Variants in ERCC6 observed in about 807,000 individuals in gnomAD.
ERCC6 encodes the protein ERCC excision repair 6, chromatin remodeling factor.
In ERCC6, 116 loss-of-function variants were observed where a neutral mutation model predicts 158.7. That is an observed-to-expected ratio of 0.73 (90% CI 0.63 to 0.85). The LOEUF (loss-of-function observed/expected upper bound fraction) is 0.85, where lower values mean the gene tolerates loss of function less well. Ranked by LOEUF, ERCC6 falls within the 40% of genes least tolerant of loss-of-function variation. The probability of loss-of-function intolerance (pLI) is 0.00; values close to 1 mark genes in which losing one functional copy is unlikely to be tolerated. For missense variants in ERCC6, 1,698 were observed against 1,799.4 expected (o/e 0.94, Z 1.02); for synonymous variants, 678 against 659.3 (o/e 1.03, Z -0.43).
Position 49,536,820 on chromosome 10 carries a change from G to A in ERCC6, c.-15+2142C>T, listed in dbSNP as rs1394593475. 4.6e-5 allele frequency among the ~76,000 whole-genome samples: 7 copies of A among 152,264 alleles called. No individual in the cohort carries two copies. The South Asian group carries it at 6.2e-4, about 14-fold the overall frequency. On this transcript the variant is annotated intron_variant, in intron 1 of 20. Transcript: ENST00000355832. ...AGAAATGGTAGCGCAAAAGAGTCAC[G>A]GGGTTGAAGATGCTGAGAAGAGTAG...
intron 6 of ERCC6, chr10:49,501,962 A>T (rs1851362916): frequency 6.6e-6 from 1 of 152,178 alleles, no homozygotes; most frequent in Non-Finnish European, 1.5e-5. Flanking sequence ...CCCATCTCTA[A>T]TAAATAAATA....
chr10:49,539,282 C>T (rs1564450403), upstream of ERCC6: 2 of 152,230 alleles, frequency 1.3e-5, no homozygotes, highest in Admixed American at 1.3e-4. Context: ...TCGCCCCTAG[C>T]GAAAAATACC....
At chr10:49,517,588 C>T (rs1173131148) in intron 5 of ERCC6, among the ~76,000 whole-genome samples, 1 of 151,964 alleles carries the variant, frequency 6.6e-6, no homozygotes, top group Admixed American at 6.6e-5. Flanking sequence ...TTTCTTTCAA[C>T]TTATAGATTC....
intron 7 of ERCC6, among the ~76,000 whole-genome samples, chr10:49,495,705 G>C (rs951019837): frequency 1.3e-5 from 2 of 152,022 alleles, no homozygotes; most frequent in Non-Finnish European, 2.9e-5. Flanking sequence ...AGAAACCTAG[G>C]CCTCATCCTT....
At chr10:49,512,082 T>A (rs1836831488) in intron 5 of ERCC6, among the ~76,000 whole-genome samples, 1 of 152,176 alleles carries the variant, frequency 6.6e-6, no homozygotes, top group Non-Finnish European at 1.5e-5. Flanking sequence ...AATTGCAGGT[T>A]AAATGTGAAT....
chr10:49,468,574 T>C (rs1023120756), intron 18 of ERCC6, among the ~76,000 whole-genome samples: 8 of 152,230 alleles, frequency 5.3e-5, no homozygotes, highest in African/African-American at 7.2e-5. Context: ...TTCACAGACA[T>C]AGAGACAGGT....
intron 7 of ERCC6, 101 bp downstream of exon 7, chr10:49,500,437 G>T: frequency 1.5e-6 from 2 of 1,361,088 alleles, no homozygotes; most frequent in Non-Finnish European, 2.1e-6. Flanking sequence ...TATTGTAATT[G>T]AAATGTCATC....
chr10:49,459,257 C>T, intron 20 of ERCC6, 23 bp from the exon 21 acceptor site: 1 of 1,611,806 alleles, frequency 6.2e-7, no homozygotes, highest in Admixed American at 1.7e-5. Context: ...GACCACTATA[C>T]TGATATATTT....
chr10:49,438,338 G>A, the ERCC6 span, among the ~76,000 whole-genome samples: 122 of 152,262 alleles, frequency 8.0e-4, no homozygotes, highest in African/African-American at 2.8e-3. Context: ...CATGGTGGGA[G>A]GCAAAAGGCA....
At chr10:49,497,533 C>A (rs1348969558) in intron 7 of ERCC6, among the ~76,000 whole-genome samples, 1 of 152,140 alleles carries the variant, frequency 6.6e-6, no homozygotes, top group African/African-American at 2.4e-5. Flanking sequence ...TATCAAGATG[C>A]CCTTTAATTT....
chr10:49,487,956 TA>T (rs1851103623), intron 8 of ERCC6, among the ~76,000 whole-genome samples: 2 of 152,212 alleles, frequency 1.3e-5, no homozygotes, highest in Non-Finnish European at 2.9e-5. Flanking sequence ...GACTATTTGT[TA>T]TCACCTGATT....
chr10:49,524,551 T>A lies in ERCC6; in HGVS notation c.879A>T (p.Arg293Ser), dbSNP rs563356062. 4.3e-5 allele frequency: 69 copies of A among 1,614,268 alleles called. 1 individual carries two copies. In the South Asian group the frequency reaches 7.0e-4, roughly 16 times the overall value. The change falls in exon 5 of 21, where the codon AGA (arginine) becomes AGT (serine). Residue 293 changes from arginine to serine, a missense_variant. By Grantham distance (110) the Arg-to-Ser change is moderately radical. Coordinates refer to ENST00000355832, the MANE Select transcript of ERCC6 (RefSeq NM_000124.4). ...CTGGGGCTGGAGCTTTTCTAGCTGC[T>A]CTTTTATTACAACCTTGCTTCTTCC... The part of the protein sequence containing the change: ...FERKKQGCNK[R>S]AARKAPAPVT...
intron 8 of ERCC6, among the ~76,000 whole-genome samples, chr10:49,492,894 T>G (rs1056692557): frequency 6.6e-6 from 1 of 152,170 alleles, no homozygotes; most frequent in African/African-American, 2.4e-5. Context: ...CAACAGACAT[T>G]GTCACAACAC....
intron 11 of ERCC6, 47 bp from the exon 12 acceptor site, chr10:49,476,357 A>C: frequency 7.8e-7 from 1 of 1,289,624 alleles, no homozygotes; most frequent in Non-Finnish European, 1.1e-6. Context: ...AAAAAAAATT[A>C]ACAGAAATAA....
At chr10:49,515,307 C>G (rs753964609) in intron 5 of ERCC6, 1 of 1,578,394 alleles carries the variant, frequency 6.3e-7, no homozygotes, top group Non-Finnish European at 8.6e-7. Flanking sequence ...AACTATGTTT[C>G]TTATCTCAGG....
At chr10:49,484,387 A>G (rs936514981) in intron 8 of ERCC6, among the ~76,000 whole-genome samples, 2 of 152,142 alleles carry the variant, frequency 1.3e-5, no homozygotes, top group African/African-American at 4.8e-5. Flanking sequence ...TGTCAGGCAG[A>G]GACACTAAGA....
chr10:49,469,382 A>G (rs1473934210), intron 18 of ERCC6, among the ~76,000 whole-genome samples: 1 of 152,228 alleles, frequency 6.6e-6, no homozygotes, highest in Non-Finnish European at 1.5e-5. Flanking sequence ...ACCAAAAAAA[A>G]AATGTATGCA....
At chr10:49,538,850 G>C (rs910994265) in intron 1 of ERCC6, 112 bp downstream of exon 1, 1 of 151,278 alleles carries the variant, frequency 6.6e-6, no homozygotes, top group African/African-American at 2.4e-5. Flanking sequence ...CTCGCTGACA[G>C]GCTCAATCAC....
chr10:49,476,121 G>T, intron 12 of ERCC6, 94 bp downstream of exon 12: 1 of 899,804 alleles, frequency 1.1e-6, no homozygotes. Context: ...GACAGTACGT[G>T]AAAAGCCTGG....
Sources: allele counts gnomAD v4.1 joint callset (sites outside exome capture counted in the v4.1 genomes callset), GRCh38; gene constraint gnomAD v4.1.1; transcripts MANE v1.5; gene names NCBI Gene and HGNC (gene_info 2026-07-23, HGNC 2026-07-21).